PPP4R2: variants seen among roughly 807,000 people sequenced by gnomAD.
PPP4R2 encodes the protein serine/threonine-protein phosphatase 4 regulatory subunit 2.
PPP4R2 carries 13 observed loss-of-function variants against 47.2 expected under a neutral mutation model. The observed-to-expected ratio is 0.28, with a 90% CI of 0.18 to 0.44. The LOEUF (loss-of-function observed/expected upper bound fraction) is 0.44. PPP4R2 is among the 20% of genes least tolerant of loss of function. PPP4R2 has a pLI of 1.00. For missense variants in PPP4R2, 421 were observed against 491.2 expected, an observed-to-expected ratio of 0.86 and a Z score of 1.35; for synonymous variants, 151 against 163.3, an observed-to-expected ratio of 0.92 and a Z score of 0.57.
At chr3:72,999,281 A>G (rs1487359403) in intron 2 of PPP4R2, among the ~76,000 whole-genome samples, 1 of 152,196 alleles carries the variant, frequency 6.6e-6, no homozygotes, top group Non-Finnish European at 1.5e-5. Context: ...CCTTCGCATT[A>G]GGGTTTCATA....
intron 2 of PPP4R2, among the ~76,000 whole-genome samples, chr3:73,006,888 C>T (rs1252097796): frequency 6.6e-6 from 1 of 152,210 alleles, no homozygotes; most frequent in East Asian, 1.9e-4. Flanking sequence ...TTCTCTCTGT[C>T]ACAGATCCCA....
rs770658496 is a variant in PPP4R2 at position 73,065,041 on chromosome 3, A to G, written c.828A>G (p.Thr276=). 27 of 1,614,002 alleles carry G rather than the reference A, an allele frequency of 1.7e-5. No individual in the cohort carries two copies. The highest frequency in any genetic ancestry group is 2.3e-5 in the Non-Finnish European group (27 of 1,179,894). The change falls in exon 8 of 9, where the codon ACA becomes ACG. Residue 276 remains threonine, a synonymous_variant. Coordinates refer to ENST00000356692, the MANE Select transcript of PPP4R2 (RefSeq NM_174907.4). ...SEISSVMVGE[T]EASSSSQDKD... ...TTTCTTCAGTTATGGTAGGAGAAAC[A>G]GAAGCATCATCTTCATCTCAGGATA... is the stretch of plus-strand genomic sequence containing the variant.
intron 2 of PPP4R2, among the ~76,000 whole-genome samples, chr3:73,004,944 C>CGTGTGT (rs67945272): frequency 2.4e-4 from 28 of 117,044 alleles, no homozygotes; most frequent in Middle Eastern, 3.8e-3. Flanking sequence ...GAGTCGGAGT[C>CGTGTGT]GTGTGTGTGT....
rs1296026417 is a variant in PPP4R2, at chr3:73,006,510, C to T, written c.116+8352C>T. Among the ~76,000 whole-genome samples the T allele has an allele frequency of 2.6e-5, 4 of 152,174 alleles. No homozygotes were observed. The East Asian group carries it at 7.7e-4, about 29-fold the overall frequency. On this transcript the variant is annotated intron_variant, in intron 2 of 8. Transcript: ENST00000356692. ...TGGCCCAGAGTAGCTTTTCTAACTA[C>T]ATGGAGCACTCTCGTTGGTTTTGTG...
chr3:73,037,925 T>C (rs1702298531), intron 2 of PPP4R2, among the ~76,000 whole-genome samples: 1 of 152,242 alleles, frequency 6.6e-6, no homozygotes, highest in Non-Finnish European at 1.5e-5. Context: ...CTGCTGGCAG[T>C]AACAAAGTAA....
chr3:73,013,646 CTTT>C (rs56817057), intron 2 of PPP4R2, among the ~76,000 whole-genome samples: 2 of 145,040 alleles, frequency 1.4e-5, no homozygotes, highest in Non-Finnish European at 3.0e-5. Context: ...TTTTCTTTTT[CTTT>C]TTTTTTTTTG....
rs35050858 is a variant in PPP4R2, at chr3:73,065,979, A to AT, written c.*272dup. On this transcript the variant is annotated 3_prime_UTR_variant, in exon 9 of 9. Coordinates refer to ENST00000356692, the MANE Select transcript of PPP4R2 (RefSeq NM_174907.4). ...GGGCAAATCAGTGGTTTGTGTATAG[A>AT]TTTTTTTTTTTTTTTAATTTAGGAT... 87,853 of 184,390 alleles carry AT rather than the reference A, an allele frequency of 0.48. 20,649 individuals are homozygous for AT. The highest frequency in any genetic ancestry group is 0.64 in the African/African-American group (25,647 of 40,120). The allele number at this position is 184,390 out of a possible 1,614,324, so 11.4% of individuals were successfully genotyped here. A position where few individuals can be genotyped will look rare whatever the true frequency, so the allele number is the denominator to read the frequency against.
intron 5 of PPP4R2, chr3:73,062,049 A>C: frequency 6.9e-7 from 1 of 1,453,074 alleles, no homozygotes; most frequent in Non-Finnish European, 9.2e-7. Flanking sequence ...AAAAATGGTA[A>C]AGAAGTGCAG....
rs543046713 is a variant in PPP4R2 at position 73,049,234 on chromosome 3, C to T, written c.287+1878C>T. 4.0e-5 allele frequency among the ~76,000 whole-genome samples: 6 copies of T among 151,696 alleles called. No homozygotes were observed. The South Asian group carries it at 6.3e-4, about 16-fold the overall frequency. On this transcript the variant is annotated intron_variant, in intron 3 of 8. Coordinates refer to ENST00000356692, the MANE Select transcript of PPP4R2 (RefSeq NM_174907.4). ...CTTCTCGGGGCCAGGTGTGGTGGCT[C>T]ACGCCTGTAATCCCAGCACTTTGGG... is the stretch of plus-strand genomic sequence containing the variant.
Position 73,022,587 on chromosome 3 carries a change from A to G in PPP4R2, c.116+24429A>G, listed in dbSNP as rs552893872. Among the ~76,000 whole-genome samples, 11 of 152,278 alleles carry G rather than the reference A, an allele frequency of 7.2e-5. No individual in the cohort carries two copies. In the South Asian group the frequency reaches 1.5e-3, roughly 20 times the overall value. The stretch of plus-strand genomic sequence containing the variant: ...TTTTCTGTTACATATGTAAATTCCA[A>G]AGATTTTGACACAATTACAAACTTC... On this transcript the variant is annotated intron_variant, in intron 2 of 8. Transcript: ENST00000356692.
At chr3:73,059,743 T>A (rs926357656) in intron 4 of PPP4R2, among the ~76,000 whole-genome samples, 3 of 151,958 alleles carry the variant, frequency 2.0e-5, no homozygotes, top group African/African-American at 7.3e-5. Context: ...GAGACCAGGC[T>A]GGCCAACATG....
chr3:73,065,023 A>T lies in PPP4R2; in HGVS notation c.810A>T (p.Ser270=). 1.2e-6 allele frequency: 2 copies of T among 1,613,970 alleles called. No individual in the cohort carries two copies. Among genetic ancestry groups the T allele is most frequent in the Non-Finnish European group, 1.7e-6 (2 of 1,179,870 alleles). The change falls in exon 8 of 9, where the codon TCA becomes TCT. Residue 270 remains serine, a synonymous_variant. Transcript: ENST00000356692. ...ASQTTSSEIS[S]VMVGETEASS... is the part of the protein sequence containing the mutation. ...AAACGACTTCCAGCGAAATTTCTTCAGTTATGGTAGGAGAAACAGAAGCAT... is the reference window on the plus strand; with the variant it reads ...AAACGACTTCCAGCGAAATTTCTTCTGTTATGGTAGGAGAAACAGAAGCAT...
chr3:73,018,452 T>TGTTATGTTTGTTATG, intron 2 of PPP4R2, among the ~76,000 whole-genome samples: 9 of 96,532 alleles, frequency 9.3e-5, no homozygotes, highest in South Asian at 3.0e-4. Context: ...TGTTATGTTA[T>TGTTATGTTTGTTATG]TTATGTTATG....
chr3:73,040,287 T>G (rs1206277112), intron 2 of PPP4R2, among the ~76,000 whole-genome samples: 2 of 152,162 alleles, frequency 1.3e-5, no homozygotes, highest in Non-Finnish European at 2.9e-5. Context: ...ATATTACTGA[T>G]GACACTACAA....
chr3:73,030,750 C>T (rs533084178), intron 2 of PPP4R2, among the ~76,000 whole-genome samples: 12 of 151,610 alleles, frequency 7.9e-5, no homozygotes, highest in African/African-American at 1.9e-4. Context: ...TTGCCCAGGC[C>T]GGAGTGCAGT....
intron 2 of PPP4R2, among the ~76,000 whole-genome samples, chr3:73,040,230 A>G (rs1220433485): frequency 6.6e-6 from 1 of 152,212 alleles, no homozygotes; most frequent in African/African-American, 2.4e-5. Context: ...TAGCATATTG[A>G]CAGAATTTTT....
chr3:73,057,519 T>A (rs1702752082), intron 3 of PPP4R2, among the ~76,000 whole-genome samples: 1 of 152,174 alleles, frequency 6.6e-6, no homozygotes, highest in African/African-American at 2.4e-5. Flanking sequence ...CCTTGTCTTT[T>A]GGTAGAACAG....
At chr3:73,028,653 A>G (rs1360791545) in intron 2 of PPP4R2, among the ~76,000 whole-genome samples, 4 of 151,892 alleles carry the variant, frequency 2.6e-5, no homozygotes, top group Non-Finnish European at 5.9e-5. Flanking sequence ...GTTGACCAGG[A>G]TGGTTTGATC....
chr3:73,034,379 T>A (rs951506182), intron 2 of PPP4R2, among the ~76,000 whole-genome samples: 1 of 152,236 alleles, frequency 6.6e-6, no homozygotes, highest in Non-Finnish European at 1.5e-5. Context: ...GAACACTTGC[T>A]GACTATTATT....
Sources: gnomAD v4.1 joint callset for allele counts (sites outside exome capture counted in the v4.1 genomes callset) on GRCh38, gnomAD v4.1.1 for gene constraint, MANE v1.5 for transcripts, NCBI Gene and HGNC (gene_info 2026-07-23, HGNC 2026-07-21) for gene names.